The following SS18 variants were observed in gnomAD, a reference collection of about 807,000 sequenced individuals.
SS18 encodes SS18 subunit of BAF chromatin remodeling complex.
A neutral mutation model predicts 72.5 loss-of-function variants in SS18; 28 were observed. The observed-to-expected ratio is 0.39, with a 90% CI of 0.29 to 0.53. The LOEUF is 0.53. Ranked by LOEUF, SS18 falls within the 20% of genes least tolerant of loss-of-function variation. SS18 has a pLI of 0.76. For synonymous variants in SS18, 172 were observed against 164.2 expected (o/e 1.05, Z -0.37); for missense variants, 518 against 535.3 (o/e 0.97, Z 0.32).
At chr18:26,028,356 T>C (rs2053487284) in intron 10 of SS18, among the ~76,000 whole-genome samples, 1 of 152,176 alleles carries the variant, frequency 6.6e-6, no homozygotes, top group African/African-American at 2.4e-5. Context: ...CTGGTAAGAA[T>C]GTAAAATGAT....
intron 10 of SS18, among the ~76,000 whole-genome samples, chr18:26,026,359 C>T (rs1234593530): frequency 6.6e-6 from 1 of 152,104 alleles, no homozygotes; most frequent in Non-Finnish European, 1.5e-5. Flanking sequence ...GAAACTCAAA[C>T]AATGTAATTC....
At chr18:26,088,729 T>TC (rs1171839995) in intron 1 of SS18, among the ~76,000 whole-genome samples, 2 of 152,192 alleles carry the variant, frequency 1.3e-5, no homozygotes, top group Non-Finnish European at 2.9e-5. Flanking sequence ...ATCAAGGGAC[T>TC]CAGGATATGC....
chr18:26,051,401 T>C (rs979068880), intron 5 of SS18, among the ~76,000 whole-genome samples: 1 of 152,230 alleles, frequency 6.6e-6, no homozygotes, highest in African/African-American at 2.4e-5. Context: ...ATATGCATTA[T>C]TTTTTTCTTC....
At chr18:26,047,712 G>A (rs1303069967) in intron 5 of SS18, among the ~76,000 whole-genome samples, 4 of 152,086 alleles carry the variant, frequency 2.6e-5, no homozygotes, top group Non-Finnish European at 4.4e-5. Flanking sequence ...GCATGGTGGC[G>A]GGCACCTGTA....
chr18:26,085,605 T>C (rs904800943), intron 2 of SS18, among the ~76,000 whole-genome samples: 1 of 152,180 alleles, frequency 6.6e-6, no homozygotes, highest in Non-Finnish European at 1.5e-5. Context: ...TATGAATGCA[T>C]ATATGTAAAT....
At chr18:26,058,359 T>C (rs2054062413) in intron 3 of SS18, among the ~76,000 whole-genome samples, 1 of 152,204 alleles carries the variant, frequency 6.6e-6, no homozygotes, top group Admixed American at 6.5e-5. Flanking sequence ...AACCACTGAC[T>C]AACCTTCAGA....
chr18:26,050,633 A>G (rs1480094840), intron 5 of SS18, among the ~76,000 whole-genome samples: 2 of 152,110 alleles, frequency 1.3e-5, no homozygotes, highest in Non-Finnish European at 2.9e-5. Context: ...GGTAACTGTA[A>G]TTTTGTGTTC....
At chr18:26,019,560 C>A (rs1382228336) in intron 10 of SS18, among the ~76,000 whole-genome samples, 2 of 151,986 alleles carry the variant, frequency 1.3e-5, no homozygotes. Flanking sequence ...CCTGTAATCC[C>A]AGCACTTTGG....
chr18:26,060,770 C>G (rs138273011), intron 3 of SS18, among the ~76,000 whole-genome samples: 2 of 5,734 alleles, frequency 3.5e-4, no homozygotes, highest in Non-Finnish European at 1.3e-3. Flanking sequence ...ACTAAAAATA[C>G]CAAAAAAAAA....
chr18:26,060,692 A>G (rs1437552366), intron 3 of SS18, among the ~76,000 whole-genome samples: 7 of 146,560 alleles, frequency 4.8e-5, no homozygotes, highest in Non-Finnish European at 1.0e-4. Flanking sequence ...TGGGAGGCCA[A>G]GGCAGGCAGA....
At chr18:26,052,061 CT>C (rs1168469941) in intron 5 of SS18, among the ~76,000 whole-genome samples, 1 of 152,152 alleles carries the variant, frequency 6.6e-6, no homozygotes, top group Non-Finnish European at 1.5e-5. Context: ...CACTTACTGG[CT>C]TTTAGTTATT....
At chr18:26,065,195 T>C (rs776056505) in intron 3 of SS18, among the ~76,000 whole-genome samples, 30 of 152,142 alleles carry the variant, frequency 2.0e-4, no homozygotes, top group Non-Finnish European at 3.8e-4. Flanking sequence ...CCAATAAAAA[T>C]TCCACAGACT....
chr18:26,038,725 T>C, intron 6 of SS18, 66 bp from the exon 7 acceptor site: 1 of 1,329,914 alleles, frequency 7.5e-7, no homozygotes. Context: ...GCTTTCTTTC[T>C]AATTTGATAT....
intron 3 of SS18, among the ~76,000 whole-genome samples, chr18:26,072,796 CAAAAAAAA>C (rs71169810): frequency 3.4e-4 from 11 of 32,746 alleles, no homozygotes; most frequent in African/African-American, 7.6e-4. Context: ...GACTCCGTCT[CAAAAAAAA>C]AAAAAAAAAA....
intron 5 of SS18, among the ~76,000 whole-genome samples, chr18:26,040,126 G>A (rs2053698539): frequency 6.6e-6 from 1 of 152,080 alleles, no homozygotes; most frequent in African/African-American, 2.4e-5. Flanking sequence ...ATTACATAAA[G>A]ACTCTCACAC....
At chr18:26,029,267 T>C (rs1413041784) in intron 10 of SS18, among the ~76,000 whole-genome samples, 7 of 152,196 alleles carry the variant, frequency 4.6e-5, no homozygotes, top group South Asian at 2.1e-4. Context: ...AAGTCCTATA[T>C]GGCCTTGTAG....
intron 3 of SS18, among the ~76,000 whole-genome samples, chr18:26,076,653 T>A (rs772778471): frequency 1.1e-4 from 17 of 151,896 alleles, no homozygotes; most frequent in Non-Finnish European, 2.4e-4. Context: ...TTGGTACCAT[T>A]ACATTGTTAT....
intron 3 of SS18, among the ~76,000 whole-genome samples, chr18:26,074,049 C>A (rs2054364789): frequency 6.6e-6 from 1 of 152,064 alleles, no homozygotes; most frequent in Non-Finnish European, 1.5e-5. Flanking sequence ...TTGACAGCAT[C>A]CCCATACTTA....
At chr18:26,039,184 A>AG in intron 6 of SS18, 105 bp downstream of exon 6, 4 of 877,234 alleles carry the variant, frequency 4.6e-6, no homozygotes, top group Non-Finnish European at 4.7e-6. Context: ...AAAAAAAAAA[A>AG]AAAAAAAAAA....
Sources: allele counts gnomAD v4.1 joint callset (sites outside exome capture counted in the v4.1 genomes callset), GRCh38; gene constraint gnomAD v4.1.1; transcripts MANE v1.5; gene names NCBI Gene and HGNC (gene_info 2026-07-23, HGNC 2026-07-21).